Variants in RELT observed in about 807,000 individuals in gnomAD.
RELT encodes the protein RELT TNF receptor, also known as tumor necrosis factor receptor superfamily member 19L.
RELT carries 37 observed loss-of-function variants against 51.1 expected under a neutral mutation model. That is an observed-to-expected ratio of 0.72 (90% CI 0.56 to 0.95). The LOEUF (loss-of-function observed/expected upper bound fraction) is 0.95. Among genes scored for constraint, RELT ranks in the 40% least tolerant of loss-of-function variants. RELT has a pLI of 0.00. For synonymous variants in RELT, 241 were observed against 235.7 expected, an observed-to-expected ratio of 1.02 and a Z score of -0.21; for missense variants, 535 against 572.6, an observed-to-expected ratio of 0.93 and a Z score of 0.67.
chr11:73,393,633 G>A, intron 6 of RELT: 1 of 1,528,850 alleles, frequency 6.5e-7, no homozygotes, highest in Non-Finnish European at 8.8e-7. Context: ...GGTGCAGGAA[G>A]CACTGGTGTT....
In RELT at chr11:73,395,945, G is replaced by A. The variant is rs1309274575; in HGVS notation, c.*454G>A. On this transcript the variant is annotated 3_prime_UTR_variant, in exon 11 of 11. Transcript: ENST00000064780. ...TCCTCTTCCAGCAGGTCTATAAAGG[G>A]AAGGGGTAGCAGAAAGTCCTGGGCT... is the stretch of plus-strand genomic sequence containing the variant. 2 of 178,882 alleles carry A rather than the reference G, an allele frequency of 1.1e-5. No individual in the cohort carries two copies. Among genetic ancestry groups the A allele is most frequent in the African/African-American group, 4.7e-5 (2 of 42,224 alleles). 11.1% of individuals were successfully genotyped at this position (178,882 alleles called of 1,614,324 possible). A position where few individuals can be genotyped will look rare whatever the true frequency, so the allele number is the denominator to read the frequency against.
intron 4 of RELT, 73 bp downstream of exon 4, chr11:73,390,994 A>C: frequency 1.3e-6 from 2 of 1,571,360 alleles, no homozygotes; most frequent in South Asian, 2.3e-5. Context: ...CCCCAGCCTT[A>C]TTGTACCCTG....
chr11:73,379,652 G>A (rs1351251549), intron 1 of RELT, among the ~76,000 whole-genome samples: 1 of 152,142 alleles, frequency 6.6e-6, no homozygotes, highest in Non-Finnish European at 1.5e-5. Context: ...TTTCCCTGGC[G>A]GCTGGAGGTT....
chr11:73,382,323 A>G (rs1316496764), intron 1 of RELT, among the ~76,000 whole-genome samples: 1 of 152,222 alleles, frequency 6.6e-6, no homozygotes, highest in Non-Finnish European at 1.5e-5. Flanking sequence ...GCCTCTGCCC[A>G]GGTCTTCCAG....
chr11:73,381,249 A>G (rs908446966), intron 1 of RELT, among the ~76,000 whole-genome samples: 3 of 152,178 alleles, frequency 2.0e-5, no homozygotes, highest in African/African-American at 7.2e-5. Context: ...TCACAGACAG[A>G]GGGGGACAGC....
At position 73,386,061 on chromosome 11, in the gene RELT, C is replaced by T. The variant is rs529990411; in HGVS notation, c.-25-3051C>T. Among the ~76,000 whole-genome samples, 107 of 152,302 alleles carry T rather than the reference C, an allele frequency of 7.0e-4. 3 individuals are homozygous for T. In the South Asian group the frequency reaches 0.02, roughly 29 times the overall value. On this transcript the variant is annotated intron_variant, in intron 1 of 10. Coordinates refer to ENST00000064780, the MANE Select transcript of RELT (RefSeq NM_152222.2). ...AAACAGAAATTCCCCAAAAACTTCG[C>T]GACAGCCATGCCAGCAAGATGAACG... is the stretch of plus-strand genomic sequence containing the variant.
At chr11:73,385,656 C>T (rs1167364799) in intron 1 of RELT, among the ~76,000 whole-genome samples, 3 of 152,206 alleles carry the variant, frequency 2.0e-5, no homozygotes, top group Non-Finnish European at 2.9e-5. Flanking sequence ...AATCACAGCC[C>T]TCTGCCAGCA....
intron 1 of RELT, among the ~76,000 whole-genome samples, chr11:73,386,375 G>A (rs1395861607): frequency 6.6e-6 from 1 of 152,244 alleles, no homozygotes; most frequent in Non-Finnish European, 1.5e-5. Flanking sequence ...AGCCGAGGGG[G>A]CTTCCATCTA....
At chr11:73,380,728 T>C (rs962690811) in intron 1 of RELT, among the ~76,000 whole-genome samples, 7 of 152,208 alleles carry the variant, frequency 4.6e-5, no homozygotes, top group Admixed American at 1.3e-4. Context: ...ACTTCTGTTA[T>C]GGGGCCAGCC....
At chr11:73,377,269 A>AGTGT (rs369117500) in intron 1 of RELT, among the ~76,000 whole-genome samples, 77 of 146,176 alleles carry the variant, frequency 5.3e-4, no homozygotes, top group South Asian at 2.3e-3. Context: ...AAGTGGTGTC[A>AGTGT]GTGTGTGTGT....
intron 1 of RELT, among the ~76,000 whole-genome samples, chr11:73,383,399 G>C (rs1866077815): frequency 6.6e-6 from 1 of 152,220 alleles, no homozygotes; most frequent in Non-Finnish European, 1.5e-5. Flanking sequence ...AGCTGGCACA[G>C]ACTAGAACAA....
intron 1 of RELT, chr11:73,384,723 T>A (rs1221008431): frequency 6.6e-6 from 1 of 152,188 alleles, no homozygotes; most frequent in Non-Finnish European, 1.5e-5. Flanking sequence ...ATAGCTGGGC[T>A]CTCTACCAAG....
At chr11:73,377,298 G>A (rs140860564) in intron 1 of RELT, among the ~76,000 whole-genome samples, 5 of 152,130 alleles carry the variant, frequency 3.3e-5, no homozygotes, top group Admixed American at 6.5e-5. Flanking sequence ...GTGTGTCTGC[G>A]CCTAGGGTGA....
chr11:73,377,272 G>T (rs1445817693), intron 1 of RELT, among the ~76,000 whole-genome samples: 1 of 150,644 alleles, frequency 6.6e-6, no homozygotes, highest in Admixed American at 6.6e-5. Context: ...TGGTGTCAGT[G>T]TGTGTGTGTG....
intron 1 of RELT, among the ~76,000 whole-genome samples, chr11:73,385,005 C>T (rs1378637006): frequency 2.7e-5 from 4 of 146,182 alleles, no homozygotes; most frequent in East Asian, 2.0e-4. Context: ...GCGTGGCAGG[C>T]GTGTGGGTGG....
At chr11:73,390,399 G>A in intron 2 of RELT, 152 bp from the exon 3 acceptor site, 1 of 676,478 alleles carries the variant, frequency 1.5e-6, no homozygotes, top group Non-Finnish European at 2.6e-6. Flanking sequence ...CAGTGTGAGG[G>A]ATTGAGGTTA....
chr11:73,394,690 C>T lies in RELT; in HGVS notation c.1002C>T (p.Ala334=). The T allele has an allele frequency of 6.2e-7, 1 of 1,613,080 alleles. No individual in the cohort carries two copies. The highest frequency in any genetic ancestry group is 8.5e-7 in the Non-Finnish European group (1 of 1,179,976). The change falls in exon 9 of 11, where the codon GCC becomes GCT. Residue 334 remains alanine, a synonymous_variant. Coordinates refer to ENST00000064780, the MANE Select transcript of RELT (RefSeq NM_152222.2). This position sits in a 1 kb window ranked among gnomAD's most constrained non-coding sequence, Gnocchi z 4.9. The stretch of plus-strand genomic sequence containing the variant: ...CGACCAGGGTTCCCAAGGCCGGGGC[C>T]AAGGCAGGGCGTCAGGGCGAGATCA... ...PNPTRVPKAG[A]KAGRQGEITI...
Position 73,390,538 on chromosome 11 carries a change from A to G in RELT, c.46-13A>G. The G allele has an allele frequency of 1.2e-6, 2 of 1,612,914 alleles. No homozygotes were observed. Among genetic ancestry groups the G allele is most frequent in the African/African-American group, 1.3e-5 (1 of 74,976 alleles). On this transcript the variant is annotated splice_polypyrimidine_tract_variant and intron_variant, in intron 2 of 10. Transcript: ENST00000064780. ...GCACTTTCTGCCTCTTTCAATGCCTACTGTTCTTCTAGCTGCTGCCCTGGC... is the reference window on the plus strand; with the variant it reads ...GCACTTTCTGCCTCTTTCAATGCCTGCTGTTCTTCTAGCTGCTGCCCTGGC...
chr11:73,384,870 G>C (rs896262509), intron 1 of RELT, among the ~76,000 whole-genome samples: 3 of 152,216 alleles, frequency 2.0e-5, no homozygotes, highest in African/African-American at 7.2e-5. Context: ...AGGGGGAGGT[G>C]GGGGAGAGGG....
Sources: gnomAD v4.1 joint callset for allele counts (sites outside exome capture counted in the v4.1 genomes callset) on GRCh38, gnomAD v4.1.1 for gene constraint, Gnocchi (gnomAD v3.1) non-coding constraint, MANE v1.5 for transcripts, NCBI Gene and HGNC (gene_info 2026-07-23, HGNC 2026-07-21) for gene names.